The following PPP2R2B variants were observed in gnomAD, a reference collection of about 807,000 sequenced individuals.
The protein encoded by PPP2R2B is serine/threonine-protein phosphatase 2A 55 kDa regulatory subunit B beta isoform.
PPP2R2B carries 5 observed loss-of-function variants against 46.0 expected under a neutral mutation model. The ratio of observed to expected loss-of-function variants is 0.11; its 90% CI spans 0.06 to 0.23. The LOEUF (loss-of-function observed/expected upper bound fraction) is 0.23, where lower values mean the gene tolerates loss of function less well. Among genes scored for constraint, PPP2R2B ranks in the 10% least tolerant of loss-of-function variants. PPP2R2B has a pLI of 1.00. For missense variants in PPP2R2B, 367 were observed against 575.0 expected (o/e 0.64, Z 3.70); for synonymous variants, 215 against 206.7 (o/e 1.04, Z -0.34).
At chr5:146,766,478 C>G (rs768019231) in intron 2 of PPP2R2B, among the ~76,000 whole-genome samples, 2 of 152,112 alleles carry the variant, frequency 1.3e-5, no homozygotes, top group Non-Finnish European at 2.9e-5. Context: ...TGAAAAGAAC[C>G]AAGTTAAAGT....
At chr5:146,970,728 G>A (rs1246851681) in intron 1 of PPP2R2B, among the ~76,000 whole-genome samples, 1 of 152,082 alleles carries the variant, frequency 6.6e-6, no homozygotes, top group Non-Finnish European at 1.5e-5. Flanking sequence ...AGGAACTTGC[G>A]GCTCATAAGA....
At chr5:146,706,149 C>T (rs776156093) in intron 2 of PPP2R2B, among the ~76,000 whole-genome samples, 11 of 152,128 alleles carry the variant, frequency 7.2e-5, no homozygotes, top group Non-Finnish European at 1.6e-4. Context: ...AGCAGCCTCC[C>T]TCCTAGGCTT....
intron 2 of PPP2R2B, chr5:146,706,527 A>T: frequency 2.6e-6 from 3 of 1,175,372 alleles, no homozygotes; most frequent in South Asian, 1.2e-5. Flanking sequence ...CTGCCGCGCC[A>T]TGTCCTACTT....
At chr5:146,711,862 T>C (rs1244542637) in intron 2 of PPP2R2B, among the ~76,000 whole-genome samples, 1 of 152,156 alleles carries the variant, frequency 6.6e-6, no homozygotes, top group Non-Finnish European at 1.5e-5. Flanking sequence ...TCATAGAGAT[T>C]TTTAAGTCAA....
chr5:146,670,445 T>G (rs1777268652), intron 5 of PPP2R2B, among the ~76,000 whole-genome samples: 1 of 146,958 alleles, frequency 6.8e-6, no homozygotes, highest in African/African-American at 2.6e-5. Context: ...TTAGTACCCC[T>G]TCAGATTTTC....
intron 1 of PPP2R2B, among the ~76,000 whole-genome samples, chr5:147,034,066 C>T (rs1243034154): frequency 6.6e-6 from 1 of 152,226 alleles, no homozygotes; most frequent in Non-Finnish European, 1.5e-5. Flanking sequence ...CATACTGACT[C>T]TGGCTTCATC....
intron 1 of PPP2R2B, among the ~76,000 whole-genome samples, chr5:147,037,569 G>A (rs568886008): frequency 2.6e-4 from 40 of 152,202 alleles, no homozygotes; most frequent in South Asian, 1.9e-3. Flanking sequence ...ACATTGGGGT[G>A]TATGTGTGTG....
chr5:146,742,157 G>A (rs900737389), intron 2 of PPP2R2B, among the ~76,000 whole-genome samples: 2 of 152,180 alleles, frequency 1.3e-5, no homozygotes, highest in South Asian at 4.1e-4. Flanking sequence ...CAGCCGCCGG[G>A]GGGAACTTTG....
intron 5 of PPP2R2B, among the ~76,000 whole-genome samples, chr5:146,678,089 G>A (rs376791352): frequency 8.1e-4 from 124 of 152,252 alleles, no homozygotes; most frequent in Non-Finnish European, 1.3e-3. Context: ...AGCCATTGCT[G>A]TTGGGAGGCC....
At chr5:146,749,606 CTTTTT>C (rs1045634394) in intron 2 of PPP2R2B, among the ~76,000 whole-genome samples, 1 of 103,848 alleles carries the variant, frequency 9.6e-6, no homozygotes, top group Admixed American at 9.6e-5. Context: ...CTTTTCTTTT[CTTTTT>C]TTTTTTTTTT....
rs547059225 is a variant in PPP2R2B at position 146,977,099 on chromosome 5, C to T, written c.79+78566G>A. ...TTGAGTGCCTTCATTCTTTCATACC[C>T]GATGTCTAACACATCAGAAAATTTT... On this transcript the variant is annotated intron_variant, in intron 1 of 8. Coordinates refer to the PPP2R2B transcript ENST00000336640. 1.2e-4 allele frequency among the ~76,000 whole-genome samples: 19 copies of T among 152,196 alleles called. No homozygotes were observed. The South Asian group carries it at 2.3e-3, about 18-fold the overall frequency.
intron 2 of PPP2R2B, among the ~76,000 whole-genome samples, chr5:146,765,056 A>C (rs2151259476): frequency 6.6e-6 from 1 of 152,366 alleles, no homozygotes; most frequent in African/African-American, 2.4e-5. Context: ...TTTTGTTAAA[A>C]GTGTGTCATA....
Position 146,942,305 on chromosome 5 carries a change from C to T in PPP2R2B, c.79+113360G>A, listed in dbSNP as rs1035431344. On this transcript the variant is annotated intron_variant, in intron 1 of 8. Transcript: ENST00000336640. ...GTATAAAGAAGAAATTAAAAATCAT[C>T]TAGATTCCTCCCACCAAAAATAACC... Among the ~76,000 whole-genome samples, 7 of 152,292 alleles carry T rather than the reference C, an allele frequency of 4.6e-5. No homozygotes were observed. The South Asian group carries it at 1.0e-3, about 23-fold the overall frequency.
Position 146,590,021 on chromosome 5 carries a change from A to C in PPP2R2B, c.1258T>G (p.Trp420Gly). Residue 420 changes from tryptophan to glycine, a missense_variant, in exon 10 of 10, where the codon TGG (tryptophan) becomes GGG (glycine). Physicochemically the swap from Trp to Gly is radical, Grantham distance 184. Around this residue, in one of 2 missense-constraint regions of PPP2R2B, gnomAD observed 361 missense variants for 545.5 expected, o/e 0.66. Transcript: ENST00000394411. ...DFSKKILHTA[W>G]HPSENIIAVA... is the part of the protein sequence containing the mutation. Reference sequence around the variant, plus strand: ...GCTATAATATTTTCTGAAGGATGCCAAGCTGTATGCAAGATCTTTTTGCTA... The same window carrying C: ...GCTATAATATTTTCTGAAGGATGCCCAGCTGTATGCAAGATCTTTTTGCTA... The C allele has an allele frequency of 6.2e-7, 1 of 1,614,214 alleles. No homozygotes were observed. Among genetic ancestry groups the C allele is most frequent in the Non-Finnish European group, 8.5e-7 (1 of 1,180,028 alleles).
intron 5 of PPP2R2B, among the ~76,000 whole-genome samples, chr5:146,674,806 T>A (rs1044123799): frequency 1.3e-5 from 2 of 152,196 alleles, no homozygotes; most frequent in African/African-American, 4.8e-5. Context: ...CCCCAAAGTG[T>A]TATCCACTCT....
chr5:147,022,438 T>C (rs1755325087), intron 1 of PPP2R2B, among the ~76,000 whole-genome samples: 1 of 151,810 alleles, frequency 6.6e-6, no homozygotes, highest in Non-Finnish European at 1.5e-5. Flanking sequence ...GCATGCACCT[T>C]AGTCCCAGCC....
At chr5:146,718,806 C>A (rs1310489804) in intron 2 of PPP2R2B, among the ~76,000 whole-genome samples, 1 of 152,136 alleles carries the variant, frequency 6.6e-6, no homozygotes, top group Non-Finnish European at 1.5e-5. Context: ...AATTGGATTG[C>A]CCGATCCCTG....
At chr5:147,021,445 C>G (rs1183954154) in intron 1 of PPP2R2B, among the ~76,000 whole-genome samples, 1 of 152,260 alleles carries the variant, frequency 6.6e-6, no homozygotes, top group African/African-American at 2.4e-5. Flanking sequence ...TACTAAGATG[C>G]ACATGTGCAG....
At chr5:147,047,906 A>G (rs1756616538) in intron 1 of PPP2R2B, among the ~76,000 whole-genome samples, 1 of 152,144 alleles carries the variant, frequency 6.6e-6, no homozygotes, top group South Asian at 2.1e-4. Flanking sequence ...GTCATTTTAG[A>G]GAGATTTTCT....
Sources: allele counts gnomAD v4.1 joint callset (sites outside exome capture counted in the v4.1 genomes callset), GRCh38; gene constraint gnomAD v4.1.1; regional missense constraint gnomAD v4.1.1; transcripts MANE v1.5; gene names NCBI Gene and HGNC (gene_info 2026-07-23, HGNC 2026-07-21).